Variants in UBE2W observed in about 807,000 individuals in gnomAD.
UBE2W encodes the protein ubiquitin conjugating enzyme E2 W, also known as ubiquitin-conjugating enzyme E2 W.
UBE2W carries 18 observed loss-of-function variants against 27.2 expected under a neutral mutation model. The ratio of observed to expected loss-of-function variants is 0.66; its 90% CI spans 0.46 to 0.98. The LOEUF (loss-of-function observed/expected upper bound fraction) is 0.98, where lower values mean the gene tolerates loss of function less well. UBE2W is among the 50% of genes least tolerant of loss of function. The pLI is 0.00. For synonymous variants in UBE2W, 53 were observed against 57.2 expected (o/e 0.93, Z 0.33); for missense variants, 90 against 180.2 (o/e 0.50, Z 2.87).
intron 3 of UBE2W, among the ~76,000 whole-genome samples, chr8:73,815,462 A>T (rs1024229485): frequency 6.6e-6 from 1 of 152,236 alleles, no homozygotes; most frequent in Non-Finnish European, 1.5e-5. Context: ...ATTTATAATG[A>T]CTTAATAAAA....
intron 4 of UBE2W, among the ~76,000 whole-genome samples, chr8:73,806,296 CAGG>C (rs572523143): frequency 1.4e-4 from 22 of 152,168 alleles, no homozygotes; most frequent in East Asian, 1.2e-3. Flanking sequence ...AAGGCTGAAG[CAGG>C]AGAATTGCTT....
At chr8:73,822,737 T>A (rs769173876) in intron 3 of UBE2W, among the ~76,000 whole-genome samples, 1 of 150,644 alleles carries the variant, frequency 6.6e-6, no homozygotes, top group Non-Finnish European at 1.5e-5. Context: ...TGAGCCAAGA[T>A]TGCACCACTG....
At chr8:73,857,480 A>G (rs1811354200) in intron 1 of UBE2W, among the ~76,000 whole-genome samples, 1 of 151,850 alleles carries the variant, frequency 6.6e-6, no homozygotes, top group African/African-American at 2.4e-5. Flanking sequence ...ATGTAAGATC[A>G]GTATTTTGAT....
At chr8:73,833,507 T>C (rs534191760) in intron 1 of UBE2W, among the ~76,000 whole-genome samples, 2 of 152,274 alleles carry the variant, frequency 1.3e-5, no homozygotes, top group East Asian at 3.9e-4. Flanking sequence ...CATATTATGA[T>C]CTGAGATATG....
intron 1 of UBE2W, among the ~76,000 whole-genome samples, chr8:73,832,277 A>C (rs1016185217): frequency 1.3e-5 from 2 of 152,030 alleles, no homozygotes; most frequent in African/African-American, 4.8e-5. Context: ...CTCCAGCCTA[A>C]GTTACAGAGT....
intron 5 of UBE2W, chr8:73,796,061 CAAAAAAAAAAAAAA>C (rs34660612): frequency 1.5e-5 from 1 of 65,688 alleles, no homozygotes; most frequent in South Asian, 7.8e-4. Context: ...ACACCATCTC[CAAAAAAAAAAAAAA>C]AAAAAAAAAG....
At chr8:73,850,917 T>A (rs1219552841) in intron 1 of UBE2W, among the ~76,000 whole-genome samples, 1 of 151,990 alleles carries the variant, frequency 6.6e-6, no homozygotes, top group African/African-American at 2.4e-5. Flanking sequence ...TGGAGTACAG[T>A]GGCGCAATCT....
At chr8:73,869,659 C>T (rs1207355260) in intron 1 of UBE2W, among the ~76,000 whole-genome samples, 1 of 152,024 alleles carries the variant, frequency 6.6e-6, no homozygotes. Context: ...CCACTGCACT[C>T]CAGTCTGGGA....
rs1808126613 is a variant in UBE2W at position 73,790,022 on chromosome 8, T to G, written c.*4080A>C. ...GAACTAATTACAGCTAACAGCTCAT[T>G]TACCAAGTAGTCAATTATTCAACAA... On this transcript the variant is annotated 3_prime_UTR_variant, in exon 6 of 6. Transcript: ENST00000602593. 1.0e-6 allele frequency: 1 copy of G among 985,218 alleles called. No individual in the cohort carries two copies. Among genetic ancestry groups the G allele is most frequent in the African/African-American group, 1.7e-5 (1 of 57,224 alleles). The allele number at this position is 985,218 out of a possible 1,614,324, so 61.0% of individuals were successfully genotyped here.
intron 1 of UBE2W, chr8:73,833,975 G>A (rs1290866719): frequency 2.0e-5 from 3 of 152,118 alleles, no homozygotes; most frequent in African/African-American, 7.3e-5. Context: ...CATAGTGCAT[G>A]ACAGCCCAGA....
rs1808105351 is a variant in UBE2W, at chr8:73,789,534, C to T, written c.*4568G>A. ...CAATTTATGTTGAGAAAGCAAGTCT[C>T]CCACAAATTATTTTTAAAAAATGAT... On this transcript the variant is annotated 3_prime_UTR_variant, in exon 6 of 6. Coordinates refer to ENST00000602593, the MANE Select transcript of UBE2W (RefSeq NM_018299.6). 1 of 151,808 alleles carries T rather than the reference C, an allele frequency of 6.6e-6. No homozygotes were observed. The highest frequency in any genetic ancestry group is 6.6e-5 in the Admixed American group (1 of 15,170). 9.4% of individuals were successfully genotyped at this position (151,808 alleles called of 1,614,324 possible).
At chr8:73,831,967 GA>G (rs1810084049) in intron 1 of UBE2W, 1 of 151,928 alleles carries the variant, frequency 6.6e-6, no homozygotes, top group Non-Finnish European at 1.5e-5. Flanking sequence ...AAGACTGGCA[GA>G]TTTATGAAGG....
rs1039375189 is a variant in UBE2W at position 73,825,033 on chromosome 8, TAAC to T, written c.210+111_210+113del. 4 of 624,626 alleles carry T rather than the reference TAAC, an allele frequency of 6.4e-6. No homozygotes were observed. The African/African-American group carries it at 7.3e-5, about 11-fold the overall frequency. The allele number at this position is 624,626 out of a possible 1,614,324, so 38.7% of individuals were successfully genotyped here. A position where few individuals can be genotyped will look rare whatever the true frequency, so the allele number is the denominator to read the frequency against. ...TTATATGACAAATAAGATAATGAAA[TAAC>T]AAATCCATCTACATACGTATAACTG... is the stretch of plus-strand genomic sequence containing the variant. On this transcript the variant is annotated intron_variant, in intron 3 of 5. Coordinates refer to ENST00000602593, the MANE Select transcript of UBE2W (RefSeq NM_018299.6).
intron 1 of UBE2W, among the ~76,000 whole-genome samples, chr8:73,842,569 C>T (rs1172720475): frequency 1.1e-4 from 14 of 131,480 alleles, no homozygotes; most frequent in African/African-American, 3.6e-4. Flanking sequence ...ATGACGTGGA[C>T]GTGAGTACTG....
intron 1 of UBE2W, among the ~76,000 whole-genome samples, chr8:73,842,581 CA>C (rs1411392966): frequency 3.2e-5 from 3 of 92,578 alleles, no homozygotes; most frequent in Non-Finnish European, 7.1e-5. Flanking sequence ...TGAGTACTGA[CA>C]AAAAAAATAA....
downstream of UBE2W, among the ~76,000 whole-genome samples, chr8:73,784,520 A>C (rs1228027968): frequency 1.3e-5 from 2 of 152,136 alleles, no homozygotes; most frequent in East Asian, 3.9e-4. Context: ...ATGGTGTCTT[A>C]TTTCCTAGAA....
At chr8:73,781,187 T>C (rs1807833780) in intron 4 of UBE2W, among the ~76,000 whole-genome samples, 1 of 151,398 alleles carries the variant, frequency 6.6e-6, no homozygotes, top group African/African-American at 2.4e-5. Context: ...GGAGAATTGC[T>C]TGAACCTGGG....
rs1427960563 is a variant in UBE2W at position 73,878,842 on chromosome 8, G to C, written c.-20C>G. ...CGCCATGATGGAACCATCCCCCCAA[G>C]ACCGGCGAGGCCAGAGACGCAGGGG... is the stretch of plus-strand genomic sequence containing the variant. On this transcript the variant is annotated 5_prime_UTR_variant, in exon 1 of 6. Coordinates refer to ENST00000602593, the MANE Select transcript of UBE2W (RefSeq NM_018299.6). The C allele has an allele frequency of 3.9e-6, 6 of 1,549,102 alleles. No individual in the cohort carries two copies. The African/African-American group carries it at 5.5e-5, about 14-fold the overall frequency.
rs1812356345 is a variant in UBE2W at position 73,878,796 on chromosome 8, A to G, written c.15+12T>C. The G allele has an allele frequency of 4.5e-6, 7 of 1,548,716 alleles. No individual in the cohort carries two copies. The South Asian group carries it at 8.3e-5, about 18-fold the overall frequency. ...CTCCCTGGCCCGCCCAGATGCAGCA[A>G]ACTCCTCTCACCTGCATTGACGCCA... On this transcript the variant is annotated intron_variant, in intron 1 of 5. Coordinates refer to ENST00000602593, the MANE Select transcript of UBE2W (RefSeq NM_018299.6).
Sources: gnomAD v4.1 joint callset for allele counts (sites outside exome capture counted in the v4.1 genomes callset) on GRCh38, gnomAD v4.1.1 for gene constraint, MANE v1.5 for transcripts, NCBI Gene and HGNC (gene_info 2026-07-23, HGNC 2026-07-21) for gene names.